Variants in CAMK1D observed in about 807,000 individuals in gnomAD.
CAMK1D encodes the protein calcium/calmodulin-dependent protein kinase type 1D.
A neutral mutation model predicts 47.7 loss-of-function variants in CAMK1D; 9 were observed. That is an observed-to-expected ratio of 0.19 (90% CI 0.11 to 0.33). CAMK1D has a LOEUF of 0.33. CAMK1D is among the 10% of genes least tolerant of loss of function. The pLI, the probability that CAMK1D is intolerant of heterozygous loss-of-function variation, is 1.00. For missense variants in CAMK1D, 291 were observed against 488.7 expected, an observed-to-expected ratio of 0.60 and a Z score of 3.81; for synonymous variants, 184 against 184.9, an observed-to-expected ratio of 0.99 and a Z score of 0.04.
At chr10:12,774,676 G>A (rs1051036598) in intron 5 of CAMK1D, among the ~76,000 whole-genome samples, 6 of 152,198 alleles carry the variant, frequency 3.9e-5, no homozygotes, top group African/African-American at 1.4e-4. Context: ...GAAGCGAGCT[G>A]CACAGCAGGA....
At chr10:12,431,480 T>C (rs1259098313) in intron 1 of CAMK1D, among the ~76,000 whole-genome samples, 1 of 151,466 alleles carries the variant, frequency 6.6e-6, no homozygotes, top group Non-Finnish European at 1.5e-5. Flanking sequence ...TCCAAGAGAG[T>C]CAGTTATGTG....
chr10:12,769,393 C>T (rs911344461), intron 4 of CAMK1D, among the ~76,000 whole-genome samples: 2 of 152,224 alleles, frequency 1.3e-5, no homozygotes, highest in Admixed American at 1.3e-4. Flanking sequence ...AAGCAATCGG[C>T]TTTCTAGATT....
chr10:12,381,533 C>G (rs1351263441), intron 1 of CAMK1D, among the ~76,000 whole-genome samples: 3 of 152,082 alleles, frequency 2.0e-5, no homozygotes, highest in African/African-American at 7.2e-5. Flanking sequence ...ACGGGTTTCA[C>G]CTTGTTGGCC....
At chr10:12,541,614 C>CT (rs755650372) in intron 1 of CAMK1D, among the ~76,000 whole-genome samples, 18 of 152,112 alleles carry the variant, frequency 1.2e-4, no homozygotes, top group South Asian at 2.1e-4. Flanking sequence ...CCGCCTTGGC[C>CT]CCCCAAAAGT....
chr10:12,444,064 CG>C (rs777877790), intron 1 of CAMK1D, among the ~76,000 whole-genome samples: 28 of 152,106 alleles, frequency 1.8e-4, no homozygotes, highest in Non-Finnish European at 3.7e-4. Flanking sequence ...ATGGCGCTGG[CG>C]GGAGTGTAGC....
chr10:12,608,585 G>A (rs1838531721), intron 2 of CAMK1D, among the ~76,000 whole-genome samples: 1 of 152,196 alleles, frequency 6.6e-6, no homozygotes. Context: ...ACAACAAATG[G>A]CATCTGCAAA....
intron 2 of CAMK1D, among the ~76,000 whole-genome samples, chr10:12,618,467 C>T (rs1838891048): frequency 6.6e-6 from 1 of 152,176 alleles, no homozygotes. Context: ...GATGACTGAA[C>T]CGTCTTGCAC....
In CAMK1D at chr10:12,767,564, C is replaced by T. The variant is rs916404571; in HGVS notation, c.439-2109C>T. 2.0e-5 allele frequency among the ~76,000 whole-genome samples: 3 copies of T among 152,134 alleles called. No individual in the cohort carries two copies. The South Asian group carries it at 6.2e-4, about 32-fold the overall frequency. The stretch of plus-strand genomic sequence containing the variant: ...TCAAGAGATCCTGATGACATGTGCC[C>T]AAGGTGGTCAGGGCACAGCTTGGTT... On this transcript the variant is annotated intron_variant, in intron 4 of 10. Coordinates refer to ENST00000619168, the MANE Select transcript of CAMK1D (RefSeq NM_153498.4).
At position 12,769,691 on chromosome 10, in the gene CAMK1D, T is replaced by C; in HGVS notation, c.457T>C (p.Tyr153His). 1 of 1,614,170 alleles carries C rather than the reference T, an allele frequency of 6.2e-7. No homozygotes were observed. Among genetic ancestry groups the C allele is most frequent in the Non-Finnish European group, 8.5e-7 (1 of 1,179,976 alleles). The change falls in exon 5 of 11, where the codon TAC becomes CAC. Residue 153 changes from tyrosine (Y) to histidine (H), a missense_variant. By Grantham distance (83) the Tyr-to-His change is moderately conservative. Around this residue, in one of 2 missense-constraint regions of CAMK1D, gnomAD observed 219 missense variants for 424.3 expected, o/e 0.52. Coordinates refer to ENST00000619168, the MANE Select transcript of CAMK1D (RefSeq NM_153498.4). ...TTTCTAGCCCGAAAATCTCTTGTAC[T>C]ACAGTCAAGATGAGGAGTCCAAAAT... ...RDLKPENLLY[Y>H]SQDEESKIMI...
intron 1 of CAMK1D, among the ~76,000 whole-genome samples, chr10:12,506,064 A>G (rs1041129147): frequency 6.6e-6 from 1 of 152,164 alleles, no homozygotes; most frequent in Non-Finnish European, 1.5e-5. Flanking sequence ...TTTCCCGTCC[A>G]TGTAATGGTG....
At chr10:12,545,598 G>A (rs1189079549) in intron 1 of CAMK1D, among the ~76,000 whole-genome samples, 3 of 151,494 alleles carry the variant, frequency 2.0e-5, no homozygotes, top group African/African-American at 7.3e-5. Flanking sequence ...TCAGGAGATC[G>A]AGACCATCCT....
At chr10:12,551,356 G>A (rs989782312) in intron 1 of CAMK1D, among the ~76,000 whole-genome samples, 1 of 152,196 alleles carries the variant, frequency 6.6e-6, no homozygotes, top group Non-Finnish European at 1.5e-5. Flanking sequence ...ATCACCCCCA[G>A]ATGGGACCGA....
intron 1 of CAMK1D, among the ~76,000 whole-genome samples, chr10:12,515,140 G>GC (rs1835155713): frequency 1.3e-5 from 2 of 152,086 alleles, no homozygotes. Context: ...TGGGATTACA[G>GC]CATGAGCCAC....
intron 1 of CAMK1D, among the ~76,000 whole-genome samples, chr10:12,353,972 A>G (rs1320658101): frequency 6.6e-6 from 1 of 152,158 alleles, no homozygotes; most frequent in African/African-American, 2.4e-5. Context: ...AAGTATATGG[A>G]TGGGAGGAAA....
At chr10:12,756,802 C>T (rs943911578) in intron 3 of CAMK1D, among the ~76,000 whole-genome samples, 2 of 152,170 alleles carry the variant, frequency 1.3e-5, no homozygotes, top group African/African-American at 4.8e-5. Context: ...GTGGTGGCCA[C>T]CTGTAGTCCC....
chr10:12,568,218 C>T, intron 2 of CAMK1D, among the ~76,000 whole-genome samples: 1 of 90,342 alleles, frequency 1.1e-5, no homozygotes, highest in Admixed American at 1.1e-4. Context: ...CCCTTCCCTT[C>T]CTGCCCCTCC....
intron 3 of CAMK1D, among the ~76,000 whole-genome samples, chr10:12,738,193 T>A (rs1020620121): frequency 6.6e-6 from 1 of 152,190 alleles, no homozygotes; most frequent in African/African-American, 2.4e-5. Context: ...TTTCAGAAAT[T>A]ATGATAGACC....
At chr10:12,396,732 C>A (rs1434072717) in intron 1 of CAMK1D, among the ~76,000 whole-genome samples, 1 of 152,218 alleles carries the variant, frequency 6.6e-6, no homozygotes, top group Non-Finnish European at 1.5e-5. Flanking sequence ...CCCTTCTCCC[C>A]GCAGCAGCTG....
chr10:12,395,622 G>T (rs1417059288), intron 1 of CAMK1D, among the ~76,000 whole-genome samples: 2 of 152,036 alleles, frequency 1.3e-5, no homozygotes, highest in African/African-American at 4.8e-5. Context: ...CTGTAGAAGG[G>T]TTGGTTTTTC....
Sources: allele counts gnomAD v4.1 joint callset (sites outside exome capture counted in the v4.1 genomes callset), GRCh38; gene constraint gnomAD v4.1.1; regional missense constraint gnomAD v4.1.1; transcripts MANE v1.5; gene names NCBI Gene and HGNC (gene_info 2026-07-23, HGNC 2026-07-21).